Variants in SLC25A47 observed in about 807,000 individuals in gnomAD.
SLC25A47 encodes HCC-down-regulated mitochondrial carrier protein.
A neutral mutation model predicts 29.8 loss-of-function variants in SLC25A47; 30 were observed. The observed-to-expected ratio is 1.01, with a 90% CI of 0.75 to 1.36. SLC25A47 has a LOEUF of 1.36. SLC25A47 is among the 40% of genes most tolerant of loss of function. SLC25A47 has a pLI of 0.00. For synonymous variants in SLC25A47, 204 were observed against 197.8 expected (o/e 1.03, Z -0.26); for missense variants, 430 against 441.9 (o/e 0.97, Z 0.24).
rs755169790 is a variant in SLC25A47, at chr14:100,328,782, G to A, written c.384G>A (p.Gln128=). 2 of 1,613,040 alleles carry A rather than the reference G, an allele frequency of 1.2e-6. No individual in the cohort carries two copies. The highest frequency in any genetic ancestry group is 2.2e-5 in the South Asian group (2 of 91,092). ...AAGTCCGCTTGCAGACGCAGACACA[G>A]GCGCAGAAGCAGCAGCGGCGGCTTT... ...VAKVRLQTQT[Q]AQKQQRRLSA... The change falls in exon 5 of 6, where the codon CAG becomes CAA. Residue 128 remains glutamine, a synonymous_variant. Transcript: ENST00000361529.
intron 3 of SLC25A47, among the ~76,000 whole-genome samples, chr14:100,326,810 C>A (rs542044389): frequency 2.0e-5 from 3 of 152,178 alleles, no homozygotes; most frequent in Non-Finnish European, 2.9e-5. Flanking sequence ...CCCGTCTCTA[C>A]TAAAAATACA....
At position 100,327,170 on chromosome 14, in the gene SLC25A47, C is replaced by T. The variant is rs754154456; in HGVS notation, c.145-18C>T. The stretch of plus-strand genomic sequence containing the variant: ...CCTCCTGGCGGGGCCCTAGCCTGAC[C>T]TGGATCCTGTCTGCTAGGTGTGGGG... On this transcript the variant is annotated intron_variant, in intron 3 of 5. Transcript: ENST00000361529. 5.0e-6 allele frequency: 8 copies of T among 1,590,054 alleles called. No individual in the cohort carries two copies. The highest frequency in any genetic ancestry group is 6.8e-6 in the Non-Finnish European group (8 of 1,168,036).
At chr14:100,324,517 G>A (rs996098726) in intron 1 of SLC25A47, among the ~76,000 whole-genome samples, 5 of 152,192 alleles carry the variant, frequency 3.3e-5, no homozygotes, top group South Asian at 2.1e-4. Flanking sequence ...GAGCCACTGC[G>A]CCCGGCCTCC....
At position 100,329,371 on chromosome 14, in the gene SLC25A47, C is replaced by T. The variant is rs149037459; in HGVS notation, c.653C>T (p.Pro218Leu). Residue 218 changes from proline to leucine, a missense_variant, in exon 6 of 6, where the codon CCG becomes CTG. Pro to Leu is a moderately conservative substitution (Grantham distance 98). Transcript: ENST00000361529. ...CACTGTGGTCTCTCTGCAGATGTCCCGGGCGTGCTGGTGGCCGGGGGCTGT... is the reference window on the plus strand; with the variant it reads ...CACTGTGGTCTCTCTGCAGATGTCCTGGGCGTGCTGGTGGCCGGGGGCTGT... ...SPAGHSRPDVPGVLVAGGCAG... is the reference protein window; with the variant it reads ...SPAGHSRPDVLGVLVAGGCAG... The T allele has an allele frequency of 3.8e-5, 60 of 1,599,912 alleles. No homozygotes were observed. The highest frequency in any genetic ancestry group is 8.9e-5 in the South Asian group (8 of 89,912).
At position 100,328,975 on chromosome 14, in the gene SLC25A47, T is replaced by A. The variant is rs1893394861; in HGVS notation, c.577T>A (p.Phe193Ile). The A allele has an allele frequency of 6.2e-7, 1 of 1,602,104 alleles. No individual in the cohort carries two copies. Among genetic ancestry groups the A allele is most frequent in the Non-Finnish European group, 8.5e-7 (1 of 1,179,832 alleles). Residue 193 changes from phenylalanine to isoleucine, a missense_variant, in exon 5 of 6, where the codon TTT (phenylalanine) becomes ATT (isoleucine). Coordinates refer to ENST00000361529, the MANE Select transcript of SLC25A47 (RefSeq NM_207117.4). ...SALVLRDGHS[F>I]ATYFLSYAVL... Reference sequence around the variant, plus strand: ...CCTGGTCTTACGGGACGGCCACTCCTTTGCCACCTACTTCCTTTCCTACGC... The same window carrying A: ...CCTGGTCTTACGGGACGGCCACTCCATTGCCACCTACTTCCTTTCCTACGC...
chr14:100,329,793 A>C lies in SLC25A47; in HGVS notation c.*148A>C. Reference sequence around the variant, plus strand: ...AGCCTCCCTGCAGTGTTGTCGGCCGAGGCCTGAGCTCGCCCTGCCCAGCTA... The same window carrying C: ...AGCCTCCCTGCAGTGTTGTCGGCCGCGGCCTGAGCTCGCCCTGCCCAGCTA... On this transcript the variant is annotated 3_prime_UTR_variant, in exon 6 of 6. Transcript: ENST00000361529. 1.8e-6 allele frequency: 2 copies of C among 1,123,056 alleles called. No individual in the cohort carries two copies. Among genetic ancestry groups the C allele is most frequent in the Non-Finnish European group, 2.5e-6 (2 of 804,302 alleles). The allele number at this position is 1,123,056 out of a possible 1,614,324, so 69.6% of individuals were successfully genotyped here.
rs998010325 is a variant in SLC25A47, at chr14:100,326,203, T to C, written c.119T>C (p.Val40Ala). 1 of 1,613,590 alleles carries C rather than the reference T, an allele frequency of 6.2e-7. No individual in the cohort carries two copies. Among genetic ancestry groups the C allele is most frequent in the African/African-American group, 1.3e-5 (1 of 74,958 alleles). Reference sequence around the variant, plus strand: ...AAGTACACAGGCATCTGGCACTGCGTCCGGGATACGTATCACCGAGAGCGC... The same window carrying C: ...AAGTACACAGGCATCTGGCACTGCGCCCGGGATACGTATCACCGAGAGCGC... ...EPKYTGIWHCVRDTYHRERVW... is the reference protein window; with the variant it reads ...EPKYTGIWHCARDTYHRERVW... The change falls in exon 3 of 6, where the codon GTC (valine) becomes GCC (alanine). Residue 40 changes from valine (V) to alanine (A), a missense_variant. Val to Ala is a moderately conservative substitution (Grantham distance 64). Coordinates refer to ENST00000361529, the MANE Select transcript of SLC25A47 (RefSeq NM_207117.4).
Position 100,326,257 on chromosome 14 carries a change from G to T in SLC25A47, c.144+29G>T, listed in dbSNP as rs547607778. ...GGTCTGGGGCCAGGGGCTGGGTAGG[G>T]AGACAGGGAGGGGATGCTGGGCCTG... is the stretch of plus-strand genomic sequence containing the variant. On this transcript the variant is annotated intron_variant, in intron 3 of 5. Transcript: ENST00000361529. The T allele has an allele frequency of 1.1e-4, 179 of 1,607,142 alleles. No homozygotes were observed. In the South Asian group the frequency reaches 1.4e-3, roughly 12 times the overall value.
chr14:100,329,299 T>G, intron 5 of SLC25A47, 66 bp from the exon 6 acceptor site: 1 of 1,519,004 alleles, frequency 6.6e-7, no homozygotes, highest in East Asian at 2.3e-5. Context: ...GAAGCGTGAG[T>G]CCAGGGTGCG....
chr14:100,329,342 A>G, intron 5 of SLC25A47, 23 bp from the exon 6 acceptor site: 1 of 1,570,760 alleles, frequency 6.4e-7, no homozygotes, highest in Non-Finnish European at 8.6e-7. Flanking sequence ...GCTCCCAGTC[A>G]AGGCACTGTG....
At chr14:100,323,554 C>A in intron 1 of SLC25A47, 112 bp downstream of exon 1, 1 of 1,273,000 alleles carries the variant, frequency 7.9e-7, no homozygotes, top group Non-Finnish European at 1.1e-6. Context: ...GAGCCCCTCA[C>A]CCCCCAGGAT....
chr14:100,328,567 G>C (rs1322399527), intron 4 of SLC25A47, among the ~76,000 whole-genome samples, 159 bp from the exon 5 acceptor site: 1 of 152,240 alleles, frequency 6.6e-6, no homozygotes, highest in Non-Finnish European at 1.5e-5. Context: ...GGCGGAGCTG[G>C]CTTTGGGCCC....
chr14:100,325,698 A>T, intron 1 of SLC25A47, 90 bp from the exon 2 acceptor site: 2 of 1,362,794 alleles, frequency 1.5e-6, no homozygotes, highest in Non-Finnish European at 2.0e-6. Context: ...GAGCCCAGTC[A>T]GCGTGCGCTC....
intron 2 of SLC25A47, 27 bp from the exon 3 acceptor site, chr14:100,326,130 C>A: frequency 6.2e-7 from 1 of 1,600,308 alleles, no homozygotes; most frequent in South Asian, 1.1e-5. Context: ...TGGAGCCGCT[C>A]GTGCCTGAAG....
intron 4 of SLC25A47, 54 bp from the exon 5 acceptor site, chr14:100,328,672 C>G (rs1370870592): frequency 3.2e-6 from 5 of 1,570,422 alleles, no homozygotes; most frequent in Non-Finnish European, 2.6e-6. Context: ...AGGCCAGGTC[C>G]AGGCTGTGGG....
In SLC25A47 at chr14:100,329,607, G is replaced by A. The variant is rs1321935001; in HGVS notation, c.889G>A (p.Glu297Lys). ...CAACATGGTGGTCTTCGTCGCCTATGAGGCAGTGCTGAGGCTCGCCCGGGG... is the reference window on the plus strand; with the variant it reads ...CAACATGGTGGTCTTCGTCGCCTATAAGGCAGTGCTGAGGCTCGCCCGGGG... ...PVNMVVFVAY[E>K]AVLRLARGLL... The change falls in exon 6 of 6, where the codon GAG (glutamate) becomes AAG (lysine). Residue 297 changes from glutamate (E) to lysine (K), a missense_variant. Physicochemically the swap from Glu to Lys is moderately conservative, Grantham distance 56. Transcript: ENST00000361529. 7 of 1,613,560 alleles carry A rather than the reference G, an allele frequency of 4.3e-6. No individual in the cohort carries two copies. The South Asian group carries it at 6.6e-5, about 15-fold the overall frequency.
At chr14:100,325,581 G>C (rs1288251058) in intron 1 of SLC25A47, among the ~76,000 whole-genome samples, 3 of 152,244 alleles carry the variant, frequency 2.0e-5, no homozygotes, top group Non-Finnish European at 4.4e-5. Context: ...GCAAAGGGTA[G>C]AAGACACTCG....
chr14:100,324,521 G>A (rs951873421), intron 1 of SLC25A47, among the ~76,000 whole-genome samples: 2 of 152,178 alleles, frequency 1.3e-5, no homozygotes, highest in African/African-American at 2.4e-5. Context: ...CACTGCGCCC[G>A]GCCTCCATTA....
rs140446618 is a variant in SLC25A47, at chr14:100,329,485, G to T, written c.767G>T (p.Arg256Leu). The T allele has an allele frequency of 6.2e-7, 1 of 1,613,400 alleles. No individual in the cohort carries two copies. Among genetic ancestry groups the T allele is most frequent in the South Asian group, 1.1e-5 (1 of 91,084 alleles). The part of the protein sequence containing the change: ...QADGQGQRRY[R>L]GLLHCMVTSV... ...GACGGGCAGGGCCAGAGGCGCTACC[G>T]GGGTCTCCTGCACTGTATGGTGACC... Residue 256 changes from arginine (R) to leucine (L), a missense_variant, in exon 6 of 6, where the codon CGG becomes CTG. Coordinates refer to ENST00000361529, the MANE Select transcript of SLC25A47 (RefSeq NM_207117.4).
Sources: allele counts gnomAD v4.1 joint callset (sites outside exome capture counted in the v4.1 genomes callset), GRCh38; gene constraint gnomAD v4.1.1; transcripts MANE v1.5; gene names NCBI Gene and HGNC (gene_info 2026-07-23, HGNC 2026-07-21).